DPY19L3: variants seen among roughly 807,000 people sequenced by gnomAD.
DPY19L3 encodes the protein protein C-mannosyl-transferase DPY19L3.
In DPY19L3, 51 loss-of-function variants were observed where a neutral mutation model predicts 92.3. The observed-to-expected ratio is 0.55, with a 90% confidence interval of 0.44 to 0.70. DPY19L3 has a LOEUF of 0.70. Among genes scored for constraint, DPY19L3 ranks in the 30% least tolerant of loss-of-function variants. DPY19L3 has a pLI of 0.00. For synonymous variants in DPY19L3, 309 were observed against 315.2 expected (o/e 0.98, Z 0.21); for missense variants, 706 against 855.9 (o/e 0.82, Z 2.18).
chr19:32,407,584 T>C (rs1357381540), intron 1 of DPY19L3, among the ~76,000 whole-genome samples: 2 of 152,174 alleles, frequency 1.3e-5, no homozygotes, highest in Non-Finnish European at 2.9e-5. Flanking sequence ...GTAACTGCTA[T>C]GGCTCAGGGA....
intron 3 of DPY19L3, chr19:32,413,188 G>T (rs1486256284): frequency 6.6e-6 from 1 of 152,152 alleles, no homozygotes; most frequent in Non-Finnish European, 1.5e-5. Context: ...CAAAGCCAAA[G>T]ATGTGTATCT....
Position 32,432,750 on chromosome 19 carries a change from G to A in DPY19L3, c.272G>A (p.Cys91Tyr), listed in dbSNP as rs145445412. Residue 91 changes from cysteine (C) to tyrosine (Y), a missense_variant, in exon 4 of 19, where the codon TGT (cysteine) becomes TAT (tyrosine). Coordinates refer to ENST00000392250, the MANE Select transcript of DPY19L3 (RefSeq NM_001172774.2). ...VEREISFRTE[C>Y]GLYYSYYKQM... is the part of the protein sequence containing the mutation. ...CGAGAAATCTCATTCAGAACAGAGTGTGGCCTGTATTACTCCTACTACAAG... is the reference window on the plus strand; with the variant it reads ...CGAGAAATCTCATTCAGAACAGAGTATGGCCTGTATTACTCCTACTACAAG... The A allele has an allele frequency of 2.5e-6, 4 of 1,613,808 alleles. No homozygotes were observed. Among genetic ancestry groups the A allele is most frequent in the African/African-American group, 1.3e-5 (1 of 74,906 alleles).
chr19:32,423,422 G>GTTTTTTTTTTTTTTTTTTTTTTTTTT (rs1599601418), intron 3 of DPY19L3, among the ~76,000 whole-genome samples: 2 of 48,488 alleles, frequency 4.1e-5, no homozygotes, highest in Non-Finnish European at 4.5e-5. Context: ...TTTTTTTTTG[G>GTTTTTTTTTTTTTTTTTTTTTTTTTT]TATTTTTAGT....
At chr19:32,472,323 G>T (rs1234054131) in intron 16 of DPY19L3, among the ~76,000 whole-genome samples, 1 of 152,080 alleles carries the variant, frequency 6.6e-6, no homozygotes, top group Non-Finnish European at 1.5e-5. Context: ...CAGGGCCCCA[G>T]GCTGCGGTAG....
intron 10 of DPY19L3, among the ~76,000 whole-genome samples, chr19:32,457,246 C>T (rs1186931733): frequency 6.6e-6 from 1 of 152,136 alleles, no homozygotes; most frequent in African/African-American, 2.4e-5. Flanking sequence ...CTTGAAAGTC[C>T]TTGCTGTTTT....
At chr19:32,411,438 T>C in intron 3 of DPY19L3, 66 bp downstream of exon 3, 3 of 1,571,014 alleles carry the variant, frequency 1.9e-6, no homozygotes, top group Non-Finnish European at 2.6e-6. Context: ...GCCATGTGGA[T>C]GAATGACCAA....
chr19:32,453,959 G>T (rs558093657), intron 9 of DPY19L3, among the ~76,000 whole-genome samples: 71 of 152,004 alleles, frequency 4.7e-4, no homozygotes, highest in Admixed American at 2.3e-3. Flanking sequence ...AGAAACTTCC[G>T]TGTCAAGAAG....
intron 15 of DPY19L3, chr19:32,467,806 CAA>C (rs1970242716): frequency 1.0e-6 from 1 of 979,950 alleles, no homozygotes; most frequent in Middle Eastern, 5.2e-4. Context: ...TTGATAAAAA[CAA>C]TTAAGATTTA....
intron 10 of DPY19L3, among the ~76,000 whole-genome samples, chr19:32,456,855 T>C (rs1315975372): frequency 1.8e-5 from 2 of 108,584 alleles, no homozygotes; most frequent in Non-Finnish European, 4.8e-5. Context: ...CCCACAAAAA[T>C]TAAAAATTAA....
rs138136749 is a variant in DPY19L3 at position 32,427,450 on chromosome 19, C to A, written c.238-5266C>A. On this transcript the variant is annotated intron_variant, in intron 3 of 18. Coordinates refer to ENST00000392250, the MANE Select transcript of DPY19L3 (RefSeq NM_001172774.2). ...CACTCTTTCTTTTTAGTCTTTTTTC[C>A]TTGTGCTAACATTTTCCACTGTTAT... 2.9e-3 allele frequency among the ~76,000 whole-genome samples: 442 copies of A among 152,156 alleles called. 1 individual carries two copies. The highest frequency in any genetic ancestry group is 0.01 in the African/African-American group (426 of 41,526).
chr19:32,454,691 A>G (rs1176325361), intron 9 of DPY19L3, among the ~76,000 whole-genome samples: 2 of 152,102 alleles, frequency 1.3e-5, no homozygotes, highest in Non-Finnish European at 2.9e-5. Context: ...AATAATTAGG[A>G]AAAAAAAGAC....
chr19:32,425,169 AAACTTC>A (rs1399415547), intron 3 of DPY19L3, among the ~76,000 whole-genome samples: 2 of 152,208 alleles, frequency 1.3e-5, no homozygotes, highest in Non-Finnish European at 2.9e-5. Context: ...GAGTAGGCCA[AAACTTC>A]ATAGAGACCA....
At position 32,445,440 on chromosome 19, in the gene DPY19L3, C is replaced by CAAAAAAAAAAAAAAAAA. The variant is rs71336904; in HGVS notation, c.855+5535_855+5551dup. Among the ~76,000 whole-genome samples the CAAAAAAAAAAAAAAAAA allele has an allele frequency of 7.0e-3, 300 of 42,822 alleles. 69 individuals carry two copies. The highest frequency in any genetic ancestry group is 0.014 in the Admixed American group (34 of 2,412). The allele number at this position is 42,822 out of a possible 152,430, so 28.1% of individuals were successfully genotyped here. On this transcript the variant is annotated intron_variant, in intron 8 of 18. Transcript: ENST00000392250. ...TGGGGGACAGAGCGAGACTTCATCT[C>CAAAAAAAAAAAAAAAAA]AAAAAAAAAAAAAAAAAAAAACCAT...
rs954623631 is a variant in DPY19L3, at chr19:32,472,063, A to G, written c.1697+3250A>G. On this transcript the variant is annotated intron_variant, in intron 16 of 18. Coordinates refer to ENST00000392250, the MANE Select transcript of DPY19L3 (RefSeq NM_001172774.2). The stretch of plus-strand genomic sequence containing the variant: ...AACCGCTGGGCCTCGCCTCAGCACA[A>G]TTGCCCTCATTCTTTTCTCCCGAAT... 5.3e-5 allele frequency among the ~76,000 whole-genome samples: 8 copies of G among 152,076 alleles called. No homozygotes were observed. The East Asian group carries it at 9.7e-4, about 18-fold the overall frequency.
rs1402255635 is a variant in DPY19L3 at position 32,419,917 on chromosome 19, A to G, written c.237+8545A>G. On this transcript the variant is annotated intron_variant, in intron 3 of 18. Transcript: ENST00000392250. ...CTGTGTCACCCAGGCTGGAGTGCAG[A>G]GGCACAATTTTGGCTCACTGCAACC... Among the ~76,000 whole-genome samples, 13 of 138,920 alleles carry G rather than the reference A, an allele frequency of 9.4e-5. No individual in the cohort carries two copies. The Admixed American group carries it at 1.0e-3, about 11-fold the overall frequency. 91.1% of individuals were successfully genotyped at this position (138,920 alleles called of 152,430 possible). A position where few individuals can be genotyped will look rare whatever the true frequency, so the allele number is the denominator to read the frequency against.
chr19:32,422,359 A>C (rs1264674729), intron 3 of DPY19L3, among the ~76,000 whole-genome samples: 1 of 152,206 alleles, frequency 6.6e-6, no homozygotes, highest in South Asian at 2.1e-4. Context: ...GAAGTGAAAT[A>C]TGAACTGGCA....
At position 32,440,049 on chromosome 19, in the gene DPY19L3, A is replaced by G. The variant is rs767116061; in HGVS notation, c.855+139A>G. 1.3e-4 allele frequency: 139 copies of G among 1,095,394 alleles called. 1 individual carries two copies. Among genetic ancestry groups the G allele is most frequent in the Non-Finnish European group, 1.7e-4 (130 of 772,864 alleles). 67.9% of individuals were successfully genotyped at this position (1,095,394 alleles called of 1,614,324 possible). On this transcript the variant is annotated intron_variant, in intron 8 of 18. Coordinates refer to ENST00000392250, the MANE Select transcript of DPY19L3 (RefSeq NM_001172774.2). Reference sequence around the variant, plus strand: ...ATCTGCTGTAAATTTGCTGTGGCCAATTGAAGCTGAGTAATTTATGAAGCC... The same window carrying G: ...ATCTGCTGTAAATTTGCTGTGGCCAGTTGAAGCTGAGTAATTTATGAAGCC...
At chr19:32,430,751 A>G (rs1968934668) in intron 3 of DPY19L3, among the ~76,000 whole-genome samples, 1 of 149,144 alleles carries the variant, frequency 6.7e-6, no homozygotes, top group Admixed American at 6.7e-5. Flanking sequence ...CAACCTCCCC[A>G]GTTGCTGGGA....
At chr19:32,477,339 A>G (rs1568363118) in intron 16 of DPY19L3, 183 bp from the exon 17 acceptor site, 12 of 612,148 alleles carry the variant, frequency 2.0e-5, no homozygotes, top group Admixed American at 6.9e-5. Flanking sequence ...AAAAACCGCA[A>G]TTACTTTTGC....
Sources: gnomAD v4.1 joint callset for allele counts (sites outside exome capture counted in the v4.1 genomes callset) on GRCh38, gnomAD v4.1.1 for gene constraint, MANE v1.5 for transcripts, NCBI Gene and HGNC (gene_info 2026-07-23, HGNC 2026-07-21) for gene names.